ANO3: variants seen among roughly 807,000 people sequenced by gnomAD.
The protein encoded by ANO3 is anoctamin-3.
ANO3 carries 99 observed loss-of-function variants against 144.8 expected under a neutral mutation model. The ratio of observed to expected loss-of-function variants is 0.68; its 90% CI spans 0.58 to 0.81. The LOEUF (loss-of-function observed/expected upper bound fraction) is 0.81. Among genes scored for constraint, ANO3 ranks in the 30% least tolerant of loss-of-function variants. The pLI is 0.00. For synonymous variants in ANO3, 414 were observed against 392.6 expected (o/e 1.05, Z -0.64); for missense variants, 905 against 1,202.2 (o/e 0.75, Z 3.66).
At chr11:26,501,336 G>A (rs1861185782) in intron 4 of ANO3, among the ~76,000 whole-genome samples, 2 of 152,120 alleles carry the variant, frequency 1.3e-5, no homozygotes, top group African/African-American at 2.4e-5. Flanking sequence ...CCTCAGCTGT[G>A]CCTATTATTC....
At position 26,339,918 on chromosome 11, in the gene ANO3, T is replaced by C. The variant is rs569554747; in HGVS notation, c.46+7597T>C. On this transcript the variant is annotated intron_variant, in intron 1 of 26. Transcript: ENST00000256737. ...CCGACTGGTTTCAGTGCAACAGCTA[T>C]GTAGGAAGCCTGCAGCAGCTGCAGG... Among the ~76,000 whole-genome samples the C allele has an allele frequency of 3.9e-5, 6 of 152,332 alleles. No homozygotes were observed. In the South Asian group the frequency reaches 1.0e-3, roughly 26 times the overall value.
At chr11:26,659,188 T>C (rs559925611) in intron 26 of ANO3, among the ~76,000 whole-genome samples, 17 of 151,770 alleles carry the variant, frequency 1.1e-4, no homozygotes, top group African/African-American at 4.1e-4. Context: ...CATTTAATAC[T>C]TATGCCAACC....
chr11:26,478,039 T>A (rs1340765916), intron 4 of ANO3, among the ~76,000 whole-genome samples: 1 of 152,106 alleles, frequency 6.6e-6, no homozygotes, highest in Non-Finnish European at 1.5e-5. Flanking sequence ...AAAAGTGCAG[T>A]GAAACAAGGC....
At chr11:26,282,997 G>T (rs1853713228) in intron 1 of ANO3, among the ~76,000 whole-genome samples, 1 of 151,636 alleles carries the variant, frequency 6.6e-6, no homozygotes, top group Non-Finnish European at 1.5e-5. Flanking sequence ...GTCTTTATTT[G>T]AATGCATTTT....
At chr11:26,320,888 C>G (rs923183879) in intron 1 of ANO3, among the ~76,000 whole-genome samples, 4 of 152,018 alleles carry the variant, frequency 2.6e-5, no homozygotes, top group African/African-American at 9.7e-5. Flanking sequence ...TAATTTAGCT[C>G]TCTGTATTTT....
intron 4 of ANO3, among the ~76,000 whole-genome samples, chr11:26,497,550 T>G (rs1590419355): frequency 6.6e-6 from 1 of 152,204 alleles, no homozygotes; most frequent in East Asian, 1.9e-4. Context: ...TGGGAAAGAT[T>G]GATCCAAATA....
At chr11:26,501,639 A>G (rs969184807) in intron 4 of ANO3, among the ~76,000 whole-genome samples, 1 of 152,210 alleles carries the variant, frequency 6.6e-6, no homozygotes, top group Non-Finnish European at 1.5e-5. Flanking sequence ...GCAGGACACC[A>G]TAAATTGGAT....
At chr11:26,375,530 G>A (rs938032418) in intron 1 of ANO3, among the ~76,000 whole-genome samples, 17 of 152,180 alleles carry the variant, frequency 1.1e-4, no homozygotes, top group African/African-American at 3.9e-4. Context: ...ATGAATCGGT[G>A]AGTTATTGTT....
intron 1 of ANO3, among the ~76,000 whole-genome samples, chr11:26,223,139 C>T (rs1265547479): frequency 6.6e-6 from 1 of 150,578 alleles, no homozygotes; most frequent in Non-Finnish European, 1.5e-5. Context: ...AAGTTGTTTT[C>T]TTGGTCCTGT....
upstream of ANO3, among the ~76,000 whole-genome samples, chr11:26,330,796 G>A (rs751042211): frequency 2.9e-4 from 44 of 152,274 alleles, no homozygotes; most frequent in Middle Eastern, 3.4e-3. Context: ...ATGCACCACA[G>A]ATGAATCAAA....
chr11:26,541,155 T>G (rs1234649920), intron 10 of ANO3, among the ~76,000 whole-genome samples: 1 of 152,140 alleles, frequency 6.6e-6, no homozygotes, highest in Non-Finnish European at 1.5e-5. Context: ...GGGACATGGA[T>G]GAAGCTGGAA....
chr11:26,354,311 T>G (rs1249908266), intron 1 of ANO3, among the ~76,000 whole-genome samples: 1 of 152,122 alleles, frequency 6.6e-6, no homozygotes, highest in Non-Finnish European at 1.5e-5. Context: ...TCCATAAAAG[T>G]GAAAAACAAA....
intron 14 of ANO3, among the ~76,000 whole-genome samples, chr11:26,576,551 C>A (rs1390917086): frequency 6.6e-6 from 1 of 152,134 alleles, no homozygotes; most frequent in East Asian, 1.9e-4. Flanking sequence ...TGAGTAAACT[C>A]TTCTTTATTT....
chr11:26,459,024 C>A (rs1859270185), intron 3 of ANO3, among the ~76,000 whole-genome samples: 1 of 152,044 alleles, frequency 6.6e-6, no homozygotes, highest in East Asian at 1.9e-4. Flanking sequence ...GATGAGGTGA[C>A]AAGTGAACAG....
intron 17 of ANO3, among the ~76,000 whole-genome samples, chr11:26,618,788 T>G (rs1178586860): frequency 1.3e-5 from 2 of 152,174 alleles, no homozygotes; most frequent in Non-Finnish European, 2.9e-5. Context: ...CCACAGTGCT[T>G]CCTGTGTCTG....
At chr11:26,540,680 C>T (rs374908188) in intron 10 of ANO3, among the ~76,000 whole-genome samples, 1 of 151,956 alleles carries the variant, frequency 6.6e-6, no homozygotes, top group South Asian at 2.1e-4. Flanking sequence ...ATGGGGCCAA[C>T]AAAGATATGA....
intron 1 of ANO3, among the ~76,000 whole-genome samples, chr11:26,355,566 CT>C (rs1400516827): frequency 6.9e-6 from 1 of 145,048 alleles, no homozygotes; most frequent in South Asian, 2.2e-4. Flanking sequence ...TTCTTTCTTT[CT>C]TTTTTTTTTG....
rs1436409552 is a variant in ANO3, at chr11:26,661,000, CAG to C, written c.*557_*558del. On this transcript the variant is annotated 3_prime_UTR_variant, in exon 27 of 27. Transcript: ENST00000256737. Reference sequence around the variant, plus strand: ...TTGCTGAGATTATGGATCTGTGCCACAGGGGATTTATGCTGCTTTACATTGAC... The same window carrying C: ...TTGCTGAGATTATGGATCTGTGCCACGGGATTTATGCTGCTTTACATTGAC... 1 of 152,692 alleles carries C rather than the reference CAG, an allele frequency of 6.5e-6. No individual in the cohort carries two copies. The highest frequency in any genetic ancestry group is 1.5e-5 in the Non-Finnish European group (1 of 68,136). The allele number at this position is 152,692 out of a possible 1,614,324, so 9.5% of individuals were successfully genotyped here.
At chr11:26,407,064 G>GTATA (rs1362693401) in intron 1 of ANO3, among the ~76,000 whole-genome samples, 59 of 60,032 alleles carry the variant, frequency 9.8e-4, no homozygotes, top group Middle Eastern at 0.014. Context: ...GTGTGTGTGT[G>GTATA]TGTGTGTGTG....
Sources: allele counts gnomAD v4.1 joint callset (sites outside exome capture counted in the v4.1 genomes callset), GRCh38; gene constraint gnomAD v4.1.1; transcripts MANE v1.5; gene names NCBI Gene and HGNC (gene_info 2026-07-23, HGNC 2026-07-21).